The following PPP3CA variants were observed in gnomAD, a reference collection of about 807,000 sequenced individuals.
PPP3CA encodes the protein CAM-PRP catalytic subunit.
A neutral mutation model predicts 66.5 loss-of-function variants in PPP3CA; 14 were observed. The observed-to-expected ratio is 0.21, with a 90% CI of 0.14 to 0.33. The LOEUF is 0.33. Ranked by LOEUF, PPP3CA falls within the 10% of genes least tolerant of loss-of-function variation. The pLI is 1.00. For synonymous variants in PPP3CA, 232 were observed against 226.2 expected, an observed-to-expected ratio of 1.03 and a Z score of -0.23; for missense variants, 317 against 639.5, an observed-to-expected ratio of 0.50 and a Z score of 5.44.
intron 1 of PPP3CA, among the ~76,000 whole-genome samples, chr4:101,202,634 C>T (rs1002704352): frequency 6.6e-6 from 1 of 152,176 alleles, no homozygotes; most frequent in Admixed American, 6.5e-5. Context: ...ACACTCATCA[C>T]TTGCGTGTTT....
intron 3 of PPP3CA, among the ~76,000 whole-genome samples, chr4:101,107,025 C>CA (rs1730785085): frequency 6.6e-6 from 1 of 152,160 alleles, no homozygotes; most frequent in African/African-American, 2.4e-5. Flanking sequence ...AAAGGTCTTA[C>CA]AAAATTAGTA....
intron 1 of PPP3CA, among the ~76,000 whole-genome samples, chr4:101,313,713 C>T (rs1169108338): frequency 6.6e-6 from 1 of 152,156 alleles, no homozygotes; most frequent in Non-Finnish European, 1.5e-5. Flanking sequence ...TCCCATTAAA[C>T]TGACTCTAAA....
chr4:101,083,623 T>C (rs2110241171), intron 6 of PPP3CA, among the ~76,000 whole-genome samples: 1 of 152,314 alleles, frequency 6.6e-6, no homozygotes, highest in South Asian at 2.1e-4. Flanking sequence ...AAAATATAAG[T>C]CTCAATTTTC....
chr4:101,237,752 C>T (rs1346057841), intron 1 of PPP3CA, among the ~76,000 whole-genome samples: 2 of 152,192 alleles, frequency 1.3e-5, no homozygotes, highest in Middle Eastern at 3.4e-3. Context: ...GGGGCAACTG[C>T]AGCAGATGCT....
chr4:101,182,191 C>T (rs1724256789), intron 2 of PPP3CA, among the ~76,000 whole-genome samples: 1 of 152,120 alleles, frequency 6.6e-6, no homozygotes, highest in African/African-American at 2.4e-5. Context: ...ATGAAACAAT[C>T]ATTAAGTACC....
chr4:101,320,493 T>TACAC (rs147488680), intron 1 of PPP3CA, among the ~76,000 whole-genome samples: 2 of 143,136 alleles, frequency 1.4e-5, no homozygotes, highest in East Asian at 2.2e-4. Flanking sequence ...TGTGTGTGTA[T>TACAC]ACACACACAC....
chr4:101,257,868 T>C (rs938259081), intron 1 of PPP3CA, among the ~76,000 whole-genome samples: 2 of 152,160 alleles, frequency 1.3e-5, no homozygotes, highest in Non-Finnish European at 2.9e-5. Flanking sequence ...GTATTATCTT[T>C]GTTTCCAAAA....
chr4:101,048,182 G>A (rs1727850776), intron 10 of PPP3CA, among the ~76,000 whole-genome samples: 1 of 152,248 alleles, frequency 6.6e-6, no homozygotes, highest in South Asian at 2.1e-4. Flanking sequence ...AGAAAGAGGA[G>A]GCGGGAAAGG....
intron 1 of PPP3CA, among the ~76,000 whole-genome samples, chr4:101,333,288 T>TGG (rs1729502101): frequency 1.1e-5 from 1 of 90,272 alleles, no homozygotes; most frequent in African/African-American, 4.6e-5. Flanking sequence ...TTTTTTTTTT[T>TGG]TTTTTTTTTT....
At chr4:101,207,280 G>A (rs1019226338) in intron 1 of PPP3CA, among the ~76,000 whole-genome samples, 2 of 152,088 alleles carry the variant, frequency 1.3e-5, no homozygotes, top group Admixed American at 1.3e-4. Context: ...TAGTTTATAA[G>A]AATGCTATTA....
Position 101,326,040 on chromosome 4 carries a change from G to A in PPP3CA, c.58+20699C>T, listed in dbSNP as rs541000911. On this transcript the variant is annotated intron_variant, in intron 1 of 13. Transcript: ENST00000394854. ...TGTAGTCCCAGCTACTCAGAAGGCT[G>A]AAGCAGAATTACTTGAACCGAGGAG... Among the ~76,000 whole-genome samples, 3 of 152,236 alleles carry A rather than the reference G, an allele frequency of 2.0e-5. No individual in the cohort carries two copies. In the South Asian group the frequency reaches 6.2e-4, roughly 32 times the overall value.
At chr4:101,217,057 A>G (rs1306971528) in intron 1 of PPP3CA, among the ~76,000 whole-genome samples, 2 of 152,298 alleles carry the variant, frequency 1.3e-5, no homozygotes, top group Admixed American at 6.5e-5. Flanking sequence ...AGGAGCATCA[A>G]TCAACTCAAT....
At chr4:101,282,944 T>C (rs1300469886) in intron 1 of PPP3CA, among the ~76,000 whole-genome samples, 1 of 152,230 alleles carries the variant, frequency 6.6e-6, no homozygotes, top group Non-Finnish European at 1.5e-5. Context: ...ATCCTTCACT[T>C]ATCTGGGTCA....
chr4:101,331,288 T>C (rs747060598), intron 1 of PPP3CA, among the ~76,000 whole-genome samples: 3 of 152,156 alleles, frequency 2.0e-5, no homozygotes, highest in Non-Finnish European at 4.4e-5. Context: ...GTAATATACA[T>C]GCAAGGCATG....
chr4:101,045,663 G>A lies in PPP3CA; in HGVS notation c.1157-5097C>T, dbSNP rs1305408306. ...TGAAGTTTGAGTAAACGCGGAAGAT[G>A]GTAGGGTGGGAAAGAAGCAGGAAAT... On this transcript the variant is annotated intron_variant, in intron 10 of 13. Coordinates refer to ENST00000394854, the MANE Select transcript of PPP3CA (RefSeq NM_000944.5). Among the ~76,000 whole-genome samples the A allele has an allele frequency of 1.1e-4, 16 of 152,156 alleles. No homozygotes were observed. The East Asian group carries it at 3.1e-3, about 29-fold the overall frequency.
In PPP3CA at chr4:101,089,084, A is replaced by G. The variant is rs1729798234; in HGVS notation, c.782+4692T>C. ...GAATCCCTAGAAAAGAAGTTCCAGC[A>G]GACAACTAGACATACAGGAATTGAG... On this transcript the variant is annotated intron_variant, in intron 6 of 13. Coordinates refer to ENST00000394854, the MANE Select transcript of PPP3CA (RefSeq NM_000944.5). Among the ~76,000 whole-genome samples, 3 of 152,340 alleles carry G rather than the reference A, an allele frequency of 2.0e-5. No individual in the cohort carries two copies. The South Asian group carries it at 6.2e-4, about 32-fold the overall frequency.
chr4:101,106,426 AAAGAAAGAAAGAAAGAAAGAAAG>A (rs1730699768), intron 3 of PPP3CA, among the ~76,000 whole-genome samples: 1 of 13,430 alleles, frequency 7.4e-5, no homozygotes, highest in African/African-American at 2.3e-4. Context: ...AGAAAGAAAG[AAAGAAAGAAAGAAAGAAAGAAAG>A]AAAGAGAAAA....
intron 1 of PPP3CA, among the ~76,000 whole-genome samples, chr4:101,225,661 C>A (rs1303256777): frequency 6.6e-6 from 1 of 151,586 alleles, no homozygotes; most frequent in African/African-American, 2.4e-5. Context: ...GATTTTCTGG[C>A]AGTTAAGAGA....
intron 1 of PPP3CA, among the ~76,000 whole-genome samples, chr4:101,200,098 A>G (rs1201862670): frequency 6.6e-6 from 1 of 152,118 alleles, no homozygotes; most frequent in African/African-American, 2.4e-5. Flanking sequence ...GTGATCCACT[A>G]TCACTCTGGG....
Sources: gnomAD v4.1 joint callset for allele counts (sites outside exome capture counted in the v4.1 genomes callset) on GRCh38, gnomAD v4.1.1 for gene constraint, MANE v1.5 for transcripts, NCBI Gene and HGNC (gene_info 2026-07-23, HGNC 2026-07-21) for gene names.